SEMA5B: variants seen among roughly 807,000 people sequenced by gnomAD.
SEMA5B encodes semaphorin 5B.
SEMA5B carries 66 observed loss-of-function variants against 135.0 expected under a neutral mutation model. The ratio of observed to expected loss-of-function variants is 0.49; its 90% confidence interval spans 0.40 to 0.60. SEMA5B has a LOEUF of 0.60. Ranked by LOEUF, SEMA5B falls within the 20% of genes least tolerant of loss-of-function variation. The pLI, the probability that SEMA5B is intolerant of heterozygous loss-of-function variation, is 0.00. For synonymous variants in SEMA5B, 690 were observed against 639.5 expected, an observed-to-expected ratio of 1.08 and a Z score of -1.19; for missense variants, 1,501 against 1,566.3, an observed-to-expected ratio of 0.96 and a Z score of 0.70.
At chr3:122,982,218 C>T (rs941055057) in intron 1 of SEMA5B, among the ~76,000 whole-genome samples, 2 of 152,238 alleles carry the variant, frequency 1.3e-5, no homozygotes, top group Admixed American at 1.3e-4. Context: ...GGAGGATTTC[C>T]TCTAGTGAGG....
At chr3:122,913,766 A>G in intron 15 of SEMA5B, 85 bp from the exon 16 acceptor site, 1 of 1,576,260 alleles carries the variant, frequency 6.3e-7, no homozygotes, top group South Asian at 1.2e-5. Context: ...ACCGGAAAGG[A>G]CGAGAGTCCC....
intron 1 of SEMA5B, among the ~76,000 whole-genome samples, chr3:122,973,149 T>C (rs1011993210): frequency 7.9e-5 from 12 of 152,206 alleles, no homozygotes; most frequent in Non-Finnish European, 1.5e-4. Flanking sequence ...GTGGGCAGTA[T>C]TGAGACTGGG....
At chr3:122,910,362 G>A (rs1217974647) in intron 22 of SEMA5B, 61 bp from the exon 23 acceptor site, 2 of 1,570,642 alleles carry the variant, frequency 1.3e-6, no homozygotes, top group Non-Finnish European at 1.7e-6. Flanking sequence ...AAGGGAACAG[G>A]CCAGAGCAAG....
intron 1 of SEMA5B, among the ~76,000 whole-genome samples, chr3:122,962,324 C>T (rs879435148): frequency 6.6e-6 from 1 of 152,182 alleles, no homozygotes; most frequent in African/African-American, 2.4e-5. Flanking sequence ...CAAATGGATC[C>T]CGGCCAGTCA....
chr3:122,950,583 A>G (rs1360854040), intron 2 of SEMA5B, among the ~76,000 whole-genome samples: 1 of 152,258 alleles, frequency 6.6e-6, no homozygotes, highest in African/African-American at 2.4e-5. Context: ...TATTGAATCT[A>G]ATAACAAAAT....
intron 5 of SEMA5B, among the ~76,000 whole-genome samples, chr3:122,929,604 G>A (rs183084640): frequency 3.9e-5 from 6 of 152,274 alleles, no homozygotes; most frequent in Non-Finnish European, 4.4e-5. Flanking sequence ...ACAGAACCTC[G>A]TGTAGAGCAG....
intron 1 of SEMA5B, among the ~76,000 whole-genome samples, chr3:122,987,237 G>C (rs2107703405): frequency 6.6e-6 from 1 of 152,246 alleles, no homozygotes; most frequent in South Asian, 2.1e-4. Flanking sequence ...CAGGTGGAGG[G>C]GGGAATCTAC....
intron 5 of SEMA5B, among the ~76,000 whole-genome samples, chr3:122,937,167 C>A (rs538814507): frequency 6.6e-6 from 1 of 152,308 alleles, no homozygotes; most frequent in South Asian, 2.1e-4. Context: ...CTGGCCCAGC[C>A]GCCCTTGTCA....
chr3:122,998,170 C>T (rs956855070), intron 1 of SEMA5B, among the ~76,000 whole-genome samples: 3 of 152,086 alleles, frequency 2.0e-5, no homozygotes, highest in African/African-American at 7.2e-5. Flanking sequence ...CCTGATCTTT[C>T]CTTCTCCCAG....
chr3:122,984,722 G>A (rs1941642100), intron 1 of SEMA5B, among the ~76,000 whole-genome samples: 1 of 151,962 alleles, frequency 6.6e-6, no homozygotes, highest in Admixed American at 6.6e-5. Context: ...CCCTGAATCT[G>A]AAGGAAAATT....
chr3:122,999,547 A>T (rs1192772662), intron 1 of SEMA5B, among the ~76,000 whole-genome samples: 4 of 148,722 alleles, frequency 2.7e-5, no homozygotes, highest in Non-Finnish European at 3.0e-5. Context: ...TTTTTTTTTT[A>T]AACCCACCAA....
At position 122,919,682 on chromosome 3, in the gene SEMA5B, T is replaced by C. The variant is rs1938254212; in HGVS notation, c.1688+2233A>G. On this transcript the variant is annotated intron_variant, in intron 12 of 22. Coordinates refer to ENST00000357599, the MANE Select transcript of SEMA5B (RefSeq NM_001031702.4). ...CTCCCAGACTCCTGGGGTACACAGC[T>C]TGGTGACTGTGTGTACTTAATCTAG... Among the ~76,000 whole-genome samples the C allele has an allele frequency of 2.0e-5, 3 of 152,228 alleles. No individual in the cohort carries two copies. The South Asian group carries it at 6.2e-4, about 31-fold the overall frequency.
At chr3:122,977,216 G>C (rs1466555685) in intron 1 of SEMA5B, among the ~76,000 whole-genome samples, 2 of 152,166 alleles carry the variant, frequency 1.3e-5, no homozygotes, top group Non-Finnish European at 2.9e-5. Context: ...GATTGAATGA[G>C]ATCACATTTG....
rs763139843 is a variant in SEMA5B at position 122,965,891 on chromosome 3, G to A, written c.-38-4590C>T. ...AGTAGAGTGGGCCATGGCTACATGA[G>A]ATGGGAGCTCTGAGGGAGTCCTCTC... is the stretch of plus-strand genomic sequence containing the variant. On this transcript the variant is annotated intron_variant, in intron 1 of 22. Coordinates refer to ENST00000357599, the MANE Select transcript of SEMA5B (RefSeq NM_001031702.4). Among the ~76,000 whole-genome samples the A allele has an allele frequency of 4.6e-5, 7 of 152,362 alleles. No individual in the cohort carries two copies. The East Asian group carries it at 1.4e-3, about 29-fold the overall frequency.
At chr3:123,000,921 G>A (rs1942155465) in intron 1 of SEMA5B, among the ~76,000 whole-genome samples, 1 of 152,216 alleles carries the variant, frequency 6.6e-6, no homozygotes, top group African/African-American at 2.4e-5. Context: ...AACCACCTGA[G>A]GCGAGAAATA....
chr3:122,928,470 C>T (rs1287613886), intron 7 of SEMA5B, 47 bp downstream of exon 7: 6 of 1,461,530 alleles, frequency 4.1e-6, no homozygotes, highest in South Asian at 3.8e-5. Flanking sequence ...GCAGGAGAAC[C>T]CCCGGCATGG....
chr3:123,016,942 A>T (rs1942574406), intron 1 of SEMA5B, among the ~76,000 whole-genome samples: 2 of 134,418 alleles, frequency 1.5e-5, no homozygotes, highest in South Asian at 4.7e-4. Flanking sequence ...CCCAGGCTGA[A>T]GTGCAGTGGC....
At chr3:123,003,488 A>G (rs1265398865) in intron 1 of SEMA5B, among the ~76,000 whole-genome samples, 2 of 152,076 alleles carry the variant, frequency 1.3e-5, no homozygotes, top group African/African-American at 4.8e-5. Context: ...GCCAGCCGCT[A>G]AAATTCCACA....
At position 122,961,190 on chromosome 3, in the gene SEMA5B, T is replaced by C. The variant is rs377099981; in HGVS notation, c.74A>G (p.Gln25Arg). 46 of 1,613,764 alleles carry C rather than the reference T, an allele frequency of 2.9e-5. No individual in the cohort carries two copies. The African/African-American group carries it at 5.3e-4, about 19-fold the overall frequency. The change falls in exon 2 of 23, where the codon CAG (glutamine) becomes CGG (arginine). Residue 25 changes from glutamine to arginine, a missense_variant. Coordinates refer to ENST00000357599, the MANE Select transcript of SEMA5B (RefSeq NM_001031702.4). ...CCCTACTGTCCATCCACACCTTAGC[T>C]GTTGGGCTGGGGTATCAGGCGGCCC... is the stretch of plus-strand genomic sequence containing the variant. Reference protein sequence around the residue: ...VPGPPDTPAQQLRCGWTVGGW... With the variant: ...VPGPPDTPAQRLRCGWTVGGW...
Sources: gnomAD v4.1 joint callset for allele counts (sites outside exome capture counted in the v4.1 genomes callset) on GRCh38, gnomAD v4.1.1 for gene constraint, MANE v1.5 for transcripts, NCBI Gene and HGNC (gene_info 2026-07-23, HGNC 2026-07-21) for gene names.